The following ARL15 variants were observed in gnomAD, a reference collection of about 807,000 sequenced individuals.
ARL15 encodes the protein ADP-ribosylation factor-like protein 15.
Under a neutral mutation model 25.2 loss-of-function variants are expected in ARL15, and 19 were observed. The ratio of observed to expected loss-of-function variants is 0.75; its 90% confidence interval spans 0.53 to 1.10. The LOEUF is 1.10. Ranked by LOEUF, ARL15 falls within the 50% of genes least tolerant of loss-of-function variation. The pLI, the probability that ARL15 is intolerant of heterozygous loss-of-function variation, is 0.00. For missense variants in ARL15, 220 were observed against 246.0 expected (o/e 0.89, Z 0.71); for synonymous variants, 94 against 86.8 (o/e 1.08, Z -0.46).
chr5:53,983,250 TTTGAG>T (rs1453577926), intron 4 of ARL15, among the ~76,000 whole-genome samples: 1 of 152,222 alleles, frequency 6.6e-6, no homozygotes, highest in Non-Finnish European at 1.5e-5. Flanking sequence ...GTAAACCTGC[TTTGAG>T]TTATCAGGGT....
chr5:54,282,322 C>T (rs1758079223), intron 1 of ARL15: 1 of 985,390 alleles, frequency 1.0e-6, no homozygotes, highest in Non-Finnish European at 1.2e-6. Context: ...TGCATTCAGA[C>T]ATTCTCTATA....
intron 4 of ARL15, among the ~76,000 whole-genome samples, chr5:53,997,144 G>A (rs1266865770): frequency 6.6e-6 from 1 of 152,094 alleles, no homozygotes; most frequent in Non-Finnish European, 1.5e-5. Flanking sequence ...ACTCAACAAA[G>A]TTCTGTCCTT....
rs934264513 is a variant in ARL15 at position 54,171,812 on chromosome 5, T to G, written c.165A>C (p.Glu55Asp). 2.5e-6 allele frequency: 4 copies of G among 1,613,322 alleles called. No homozygotes were observed. Among genetic ancestry groups the G allele is most frequent in the Non-Finnish European group, 3.4e-6 (4 of 1,179,602 alleles). ...TGGTCGACACGACGTTATCGGGGCT[T>G]TCACTGCAGAGTTTGGACAACAGAC... Reference protein sequence around the residue: ...KTSLLSKLCSESPDNVVSTTG... With the variant: ...KTSLLSKLCSDSPDNVVSTTG... Residue 55 changes from glutamate to aspartate, a missense_variant, in exon 2 of 5, where the codon GAA becomes GAC. Transcript: ENST00000504924.
intron 4 of ARL15, among the ~76,000 whole-genome samples, chr5:53,945,013 G>A (rs1200836369): frequency 6.6e-6 from 1 of 152,152 alleles, no homozygotes; most frequent in Non-Finnish European, 1.5e-5. Context: ...CTGATTCCTG[G>A]GCAACAGATC....
intron 4 of ARL15, among the ~76,000 whole-genome samples, chr5:53,999,591 C>A (rs1748789378): frequency 6.6e-6 from 1 of 150,848 alleles, no homozygotes; most frequent in East Asian, 2.0e-4. Context: ...AACTTCATTT[C>A]AAAAAAATAA....
chr5:53,891,684 T>C (rs1289055818), intron 4 of ARL15, among the ~76,000 whole-genome samples: 1 of 152,190 alleles, frequency 6.6e-6, no homozygotes, highest in Non-Finnish European at 1.5e-5. Context: ...ACAATGCCTA[T>C]GTTCCCTCTG....
chr5:54,054,364 T>A (rs1046247283), intron 4 of ARL15, among the ~76,000 whole-genome samples: 16 of 152,354 alleles, frequency 1.1e-4, no homozygotes, highest in African/African-American at 3.4e-4. Context: ...ATTGTGGCAC[T>A]CTTTCTGAAA....
intron 1 of ARL15, among the ~76,000 whole-genome samples, chr5:54,219,347 T>C (rs1756307118): frequency 6.6e-6 from 1 of 152,124 alleles, no homozygotes; most frequent in African/African-American, 2.4e-5. Flanking sequence ...CAGCCATATA[T>C]AGAAGATCAG....
intron 4 of ARL15, among the ~76,000 whole-genome samples, chr5:54,098,661 A>T (rs2112169754): frequency 6.6e-6 from 1 of 152,336 alleles, no homozygotes; most frequent in Admixed American, 6.5e-5. Context: ...GGTCTGATTT[A>T]TTATAAGGAA....
intron 1 of ARL15, among the ~76,000 whole-genome samples, chr5:54,176,175 G>T (rs1754865344): frequency 6.6e-6 from 1 of 152,100 alleles, no homozygotes; most frequent in African/African-American, 2.4e-5. Context: ...GTGGAAATAA[G>T]GTTCTTTGGA....
chr5:54,081,824 G>T (rs920056116), intron 4 of ARL15, among the ~76,000 whole-genome samples: 1 of 152,058 alleles, frequency 6.6e-6, no homozygotes, highest in Non-Finnish European at 1.5e-5. Flanking sequence ...AGGTATGGTG[G>T]CTCATGCCTG....
At chr5:54,198,440 C>T (rs1200021788) in intron 1 of ARL15, among the ~76,000 whole-genome samples, 1 of 151,614 alleles carries the variant, frequency 6.6e-6, no homozygotes, top group East Asian at 1.9e-4. Context: ...TAAGCAACTT[C>T]ACCAAAGTCT....
At chr5:54,234,724 G>A (rs928990360) in intron 1 of ARL15, among the ~76,000 whole-genome samples, 2 of 152,144 alleles carry the variant, frequency 1.3e-5, no homozygotes, top group African/African-American at 2.4e-5. Context: ...TTCTGTCTGT[G>A]TCAAAAAAGA....
At chr5:54,235,098 T>C (rs1162049765) in intron 1 of ARL15, among the ~76,000 whole-genome samples, 3 of 152,208 alleles carry the variant, frequency 2.0e-5, no homozygotes, top group African/African-American at 7.2e-5. Flanking sequence ...TTAACATGGA[T>C]AAAGTTGGGA....
intron 4 of ARL15, among the ~76,000 whole-genome samples, chr5:53,948,983 T>C (rs1292467797): frequency 3.3e-5 from 5 of 152,228 alleles, no homozygotes; most frequent in Admixed American, 6.5e-5. Context: ...GCTGGCACTT[T>C]AGTCGTAAAG....
intron 1 of ARL15, among the ~76,000 whole-genome samples, chr5:54,211,393 T>A (rs935008580): frequency 2.6e-5 from 4 of 151,532 alleles, no homozygotes; most frequent in Non-Finnish European, 5.9e-5. Flanking sequence ...CATTAGAAAA[T>A]AATTCCTTGG....
chr5:54,076,048 CCA>C (rs1477871737), intron 4 of ARL15, among the ~76,000 whole-genome samples: 12 of 152,026 alleles, frequency 7.9e-5, no homozygotes, highest in Admixed American at 6.6e-4. Context: ...TACACACGCA[CCA>C]CAGAGTTGGT....
chr5:54,005,677 C>T (rs1166602921), intron 4 of ARL15, among the ~76,000 whole-genome samples: 1 of 152,042 alleles, frequency 6.6e-6, no homozygotes, highest in Non-Finnish European at 1.5e-5. Context: ...TCCTGGCTAA[C>T]AAGGTGCAAC....
At chr5:54,016,475 C>T (rs1408117972) in intron 4 of ARL15, among the ~76,000 whole-genome samples, 2 of 152,148 alleles carry the variant, frequency 1.3e-5, no homozygotes, top group African/African-American at 4.8e-5. Context: ...ACTCTGCTGT[C>T]ACTACCATGA....
Sources: gnomAD v4.1 joint callset for allele counts (sites outside exome capture counted in the v4.1 genomes callset) on GRCh38, gnomAD v4.1.1 for gene constraint, MANE v1.5 for transcripts, NCBI Gene and HGNC (gene_info 2026-07-23, HGNC 2026-07-21) for gene names.